Variants in KCNK9 observed in about 807,000 individuals in gnomAD.
KCNK9 encodes the protein potassium channel subfamily K member 9.
In KCNK9, 1 loss-of-function variant was observed where a neutral mutation model predicts 10.8. That is an observed-to-expected ratio of 0.09 (90% CI 0.03 to 0.44). KCNK9 has a LOEUF of 0.44. Among genes scored for constraint, KCNK9 ranks in the 20% least tolerant of loss-of-function variants. KCNK9 has a pLI of 0.97. For synonymous variants in KCNK9, 231 were observed against 222.7 expected (o/e 1.04, Z -0.33); for missense variants, 303 against 515.0 (o/e 0.59, Z 3.98).
intron 1 of KCNK9, among the ~76,000 whole-genome samples, chr8:139,696,014 G>A (rs377088762): frequency 1.3e-5 from 2 of 152,106 alleles, no homozygotes; most frequent in South Asian, 2.1e-4. Context: ...AGCCCCCCAC[G>A]TTCCAGTTTC....
At chr8:139,622,795 T>C (rs1814833904) in intron 1 of KCNK9, among the ~76,000 whole-genome samples, 1 of 152,166 alleles carries the variant, frequency 6.6e-6, no homozygotes, top group Admixed American at 6.5e-5. Context: ...CCTGCGAATA[T>C]TAAGTCCACA....
chr8:139,619,037 G>A lies in KCNK9; in HGVS notation c.346C>T (p.Leu116=), dbSNP rs1379092441. The change falls in exon 2 of 2, where the codon CTG becomes TTG. Residue 116 remains leucine (L), a synonymous_variant. Transcript: ENST00000520439. The stretch of plus-strand genomic sequence containing the variant: ...ATGACCAGTGTCAGCGGGATGCCCA[G>A]CACGGCGTAGAACATGCAGAAGGCC... The part of the protein sequence containing the change: ...GKAFCMFYAV[L]GIPLTLVMFQ... 1 of 1,614,242 alleles carries A rather than the reference G, an allele frequency of 6.2e-7. No homozygotes were observed. Among genetic ancestry groups the A allele is most frequent in the Non-Finnish European group, 8.5e-7 (1 of 1,180,044 alleles).
chr8:139,609,466 A>C (rs892781298), downstream of KCNK9, among the ~76,000 whole-genome samples: 1 of 152,224 alleles, frequency 6.6e-6, no homozygotes, highest in Non-Finnish European at 1.5e-5. Context: ...TGAGGAATCC[A>C]GAGGAAGACA....
At chr8:139,641,478 A>T (rs1201449647) in intron 1 of KCNK9, among the ~76,000 whole-genome samples, 1 of 152,148 alleles carries the variant, frequency 6.6e-6, no homozygotes, top group South Asian at 2.1e-4. Context: ...GCCCCCTGAA[A>T]TGGGCATCAT....
chr8:139,612,800 GTT>G (rs142827596), downstream of KCNK9: 2 of 151,692 alleles, frequency 1.3e-5, no homozygotes, highest in Non-Finnish European at 2.9e-5. Context: ...ACGCTGTTGG[GTT>G]TTTTTTGCCA....
chr8:139,629,602 T>A (rs1266531100), intron 1 of KCNK9, among the ~76,000 whole-genome samples: 1 of 151,874 alleles, frequency 6.6e-6, no homozygotes, highest in African/African-American at 2.4e-5. Context: ...CAAAATATTA[T>A]ACCACAGCCC....
At chr8:139,698,482 T>C (rs1293229370) in intron 1 of KCNK9, among the ~76,000 whole-genome samples, 1 of 152,206 alleles carries the variant, frequency 6.6e-6, no homozygotes, top group Non-Finnish European at 1.5e-5. Flanking sequence ...GACAAGCCCC[T>C]GTAAGACAGG....
At chr8:139,689,461 G>A (rs565009899) in intron 1 of KCNK9, among the ~76,000 whole-genome samples, 1 of 152,278 alleles carries the variant, frequency 6.6e-6, no homozygotes, top group Non-Finnish European at 1.5e-5. Context: ...ATGGCAGGCT[G>A]AGATGCTGTA....
At chr8:139,694,825 T>G (rs1049715866) in intron 1 of KCNK9, among the ~76,000 whole-genome samples, 5 of 149,916 alleles carry the variant, frequency 3.3e-5, no homozygotes, top group Non-Finnish European at 5.9e-5. Flanking sequence ...TCCACCCCAC[T>G]CACCTAGCAC....
chr8:139,653,755 G>C (rs1275048913), intron 1 of KCNK9, among the ~76,000 whole-genome samples: 1 of 152,196 alleles, frequency 6.6e-6, no homozygotes, highest in African/African-American at 2.4e-5. Flanking sequence ...AACACGAGGC[G>C]GCATTATCAG....
chr8:139,607,584 G>T (rs1196388506), downstream of KCNK9, among the ~76,000 whole-genome samples: 1 of 152,146 alleles, frequency 6.6e-6, no homozygotes, highest in Admixed American at 6.5e-5. Flanking sequence ...CTGAGTGCTG[G>T]GGTCATCAAG....
chr8:139,671,547 G>A (rs140329177), intron 1 of KCNK9, among the ~76,000 whole-genome samples: 2,133 of 137,632 alleles, frequency 0.015, 52 homozygotes, highest in African/African-American at 0.053. Context: ...GTCTTGCTCC[G>A]TTGCCCAGGC....
rs912189938 is a variant in KCNK9 at position 139,617,760 on chromosome 8, G to C, written c.*498C>G. Among the ~76,000 whole-genome samples the C allele has an allele frequency of 6.6e-6, 1 of 152,152 alleles. No individual in the cohort carries two copies. The highest frequency in any genetic ancestry group is 2.4e-5 in the African/African-American group (1 of 41,442). ...TACTTCCCGTTTTGTCACGACACAC[G>C]TGCACACAGAAGCACACACACAACA... On this transcript the variant is annotated 3_prime_UTR_variant, in exon 2 of 2. Coordinates refer to ENST00000520439, the MANE Select transcript of KCNK9 (RefSeq NM_001282534.2).
chr8:139,628,969 T>C (rs1815073474), intron 1 of KCNK9, among the ~76,000 whole-genome samples: 1 of 152,162 alleles, frequency 6.6e-6, no homozygotes, highest in Non-Finnish European at 1.5e-5. Context: ...GGTTGACCCA[T>C]GGTTATCACT....
At chr8:139,655,779 A>C (rs1301388296) in intron 1 of KCNK9, among the ~76,000 whole-genome samples, 1 of 152,172 alleles carries the variant, frequency 6.6e-6, no homozygotes, top group African/African-American at 2.4e-5. Context: ...CGGAGGAAGA[A>C]AGTGGACATG....
At chr8:139,668,069 ACAT>A (rs763383081) in intron 1 of KCNK9, among the ~76,000 whole-genome samples, 53 of 152,208 alleles carry the variant, frequency 3.5e-4, no homozygotes, top group Non-Finnish European at 7.2e-4. Flanking sequence ...CATTTTTCCA[ACAT>A]CATGTGCTCA....
chr8:139,606,154 A>AGGTG (rs770471709), intron 2 of KCNK9, among the ~76,000 whole-genome samples: 1 of 152,214 alleles, frequency 6.6e-6, no homozygotes, highest in African/African-American at 2.4e-5. Flanking sequence ...CAAGGGAGGA[A>AGGTG]GGTGGGTCCT....
At chr8:139,662,877 G>C (rs1253070362) in intron 1 of KCNK9, among the ~76,000 whole-genome samples, 26 of 150,252 alleles carry the variant, frequency 1.7e-4, no homozygotes, top group Non-Finnish European at 3.0e-4. Context: ...GGGGGAAGGG[G>C]GGGGGGCTGG....
downstream of KCNK9, among the ~76,000 whole-genome samples, chr8:139,610,769 G>A (rs1263684345): frequency 6.6e-6 from 1 of 152,226 alleles, no homozygotes; most frequent in African/African-American, 2.4e-5. Context: ...AACGAACTTT[G>A]TGGGCACTAG....
Sources: gnomAD v4.1 joint callset for allele counts (sites outside exome capture counted in the v4.1 genomes callset) on GRCh38, gnomAD v4.1.1 for gene constraint, MANE v1.5 for transcripts, NCBI Gene and HGNC (gene_info 2026-07-23, HGNC 2026-07-21) for gene names.